Variants in ADK observed in about 807,000 individuals in gnomAD.
ADK encodes the protein adenosine kinase.
A neutral mutation model predicts 44.7 loss-of-function variants in ADK; 24 were observed. The ratio of observed to expected loss-of-function variants is 0.54; its 90% CI spans 0.39 to 0.76. The LOEUF is 0.76. Among genes scored for constraint, ADK ranks in the 30% least tolerant of loss-of-function variants. The pLI, the probability that ADK is intolerant of heterozygous loss-of-function variation, is 0.00. For synonymous variants in ADK, 128 were observed against 142.6 expected (o/e 0.90, Z 0.73); for missense variants, 321 against 425.1 (o/e 0.76, Z 2.15).
intron 6 of ADK, among the ~76,000 whole-genome samples, chr10:74,457,377 T>C (rs1845993493): frequency 6.6e-6 from 1 of 152,186 alleles, no homozygotes; most frequent in Non-Finnish European, 1.5e-5. Flanking sequence ...CCAGATGGAT[T>C]CACAACTGAA....
rs377306963 is a variant in ADK at position 74,567,689 on chromosome 10, TG to T, written c.727-21592del. On this transcript the variant is annotated intron_variant, in intron 7 of 10. Coordinates refer to ENST00000539909, the MANE Select transcript of ADK (RefSeq NM_006721.4). ...TTGTTCTCTCTCTCTCTGTTTTTTT[TG>T]TTTTTTTTGTTTTTTTTTTTTTTTT... Among the ~76,000 whole-genome samples the T allele has an allele frequency of 5.3e-3, 721 of 136,718 alleles. 17 individuals are homozygous for T. The highest frequency in any genetic ancestry group is 0.022 in the African/African-American group (685 of 31,048). 89.7% of individuals were successfully genotyped at this position (136,718 alleles called of 152,430 possible).
chr10:74,405,366 CTT>C (rs752124653), intron 6 of ADK, among the ~76,000 whole-genome samples: 7 of 126,276 alleles, frequency 5.5e-5, no homozygotes, highest in Admixed American at 7.9e-5. Context: ...GCGGAGGATT[CTT>C]TTTTTTTTTT....
At chr10:74,664,015 A>G (rs1854849602) in intron 9 of ADK, among the ~76,000 whole-genome samples, 1 of 152,156 alleles carries the variant, frequency 6.6e-6, no homozygotes, top group South Asian at 2.1e-4. Context: ...AGTTCTCTCC[A>G]TAAAGCTGGA....
intron 3 of ADK, among the ~76,000 whole-genome samples, chr10:74,261,757 A>AT (rs746132537): frequency 7.3e-5 from 11 of 150,266 alleles, no homozygotes; most frequent in African/African-American, 2.7e-4. Flanking sequence ...TATGTGACCT[A>AT]TTTTTTTCTC....
At chr10:74,600,713 T>C (rs1024058354) in intron 9 of ADK, among the ~76,000 whole-genome samples, 2 of 151,924 alleles carry the variant, frequency 1.3e-5, no homozygotes, top group African/African-American at 4.8e-5. Flanking sequence ...TAAACCACTT[T>C]GATATAATTT....
At chr10:74,572,292 T>G (rs372630622) in intron 7 of ADK, among the ~76,000 whole-genome samples, 24 of 152,198 alleles carry the variant, frequency 1.6e-4, no homozygotes, top group Non-Finnish European at 3.1e-4. Flanking sequence ...TGAAATTCTG[T>G]GTTGAAAATT....
intron 9 of ADK, among the ~76,000 whole-genome samples, chr10:74,642,124 A>AT (rs558673624): frequency 6.1e-4 from 93 of 152,306 alleles, no homozygotes; most frequent in African/African-American, 2.2e-3. Flanking sequence ...TGTTAACCAG[A>AT]TATTAAAGAG....
intron 9 of ADK, among the ~76,000 whole-genome samples, chr10:74,667,460 A>C (rs553891002): frequency 5.5e-4 from 83 of 151,686 alleles, no homozygotes; most frequent in East Asian, 2.7e-3. Flanking sequence ...ATATATATAT[A>C]TCTCCAGAAA....
intron 3 of ADK, among the ~76,000 whole-genome samples, chr10:74,313,591 G>A (rs2131801430): frequency 6.6e-6 from 1 of 151,850 alleles, no homozygotes; most frequent in African/African-American, 2.4e-5. Context: ...TGCTTTAAAG[G>A]TTTTATCTTA....
intron 7 of ADK, among the ~76,000 whole-genome samples, chr10:74,536,684 CA>C (rs1452984647): frequency 2.0e-5 from 3 of 151,810 alleles, no homozygotes; most frequent in Non-Finnish European, 4.4e-5. Flanking sequence ...CCTTCCTCCT[CA>C]CCCTTGGTAA....
chr10:74,215,265 T>C (rs1843967675), intron 2 of ADK, among the ~76,000 whole-genome samples: 1 of 152,222 alleles, frequency 6.6e-6, no homozygotes, highest in Non-Finnish European at 1.5e-5. Flanking sequence ...ATCCAAAATA[T>C]AGGCTGTGCT....
At chr10:74,563,939 A>T (rs1270473267) in intron 7 of ADK, among the ~76,000 whole-genome samples, 1 of 151,990 alleles carries the variant, frequency 6.6e-6, no homozygotes, top group Non-Finnish European at 1.5e-5. Context: ...CATGTGCACA[A>T]TGTGCAGGTT....
intron 1 of ADK, among the ~76,000 whole-genome samples, chr10:74,173,146 G>A (rs1039950867): frequency 6.7e-6 from 1 of 149,144 alleles, no homozygotes; most frequent in African/African-American, 2.5e-5. Flanking sequence ...AGGCTGGAGT[G>A]CAGTGGCATG....
intron 2 of ADK, among the ~76,000 whole-genome samples, chr10:74,223,940 T>C (rs948498125): frequency 6.6e-6 from 1 of 151,996 alleles, no homozygotes; most frequent in Admixed American, 6.6e-5. Context: ...AATACAAAAA[T>C]TAGCCAGGCA....
intron 3 of ADK, among the ~76,000 whole-genome samples, chr10:74,276,661 C>G (rs1366449801): frequency 6.6e-6 from 1 of 152,034 alleles, no homozygotes; most frequent in East Asian, 1.9e-4. Context: ...TTTCCAAGCT[C>G]TTTCTGGTTG....
chr10:74,624,184 C>T (rs1292850428), intron 9 of ADK, among the ~76,000 whole-genome samples: 1 of 151,556 alleles, frequency 6.6e-6, no homozygotes, highest in Non-Finnish European at 1.5e-5. Context: ...GCTGGCTTAT[C>T]CTATTTCAAC....
intron 8 of ADK, among the ~76,000 whole-genome samples, chr10:74,598,542 T>C (rs1852009712): frequency 6.8e-6 from 1 of 146,538 alleles, no homozygotes; most frequent in African/African-American, 2.5e-5. Flanking sequence ...CTCTGCCTCC[T>C]GGGTTCAAGC....
intron 6 of ADK, among the ~76,000 whole-genome samples, chr10:74,412,238 G>A (rs1029524501): frequency 1.3e-5 from 2 of 152,046 alleles, no homozygotes; most frequent in African/African-American, 2.4e-5. Context: ...GCAGGGAAGT[G>A]CAGTAACAAT....
chr10:74,317,281 C>G (rs920643920), intron 4 of ADK, among the ~76,000 whole-genome samples: 1 of 152,152 alleles, frequency 6.6e-6, no homozygotes, highest in Non-Finnish European at 1.5e-5. Flanking sequence ...CTTATCTGCT[C>G]AATATCCTGC....
Sources: gnomAD v4.1 joint callset for allele counts (sites outside exome capture counted in the v4.1 genomes callset) on GRCh38, gnomAD v4.1.1 for gene constraint, MANE v1.5 for transcripts, NCBI Gene and HGNC (gene_info 2026-07-23, HGNC 2026-07-21) for gene names.